The following ARHGAP35 variants were observed in gnomAD, a reference collection of about 807,000 sequenced individuals.
The protein encoded by ARHGAP35 is rho GTPase-activating protein 35.
A neutral mutation model predicts 111.1 loss-of-function variants in ARHGAP35; 15 were observed. The ratio of observed to expected loss-of-function variants is 0.13; its 90% CI spans 0.09 to 0.21. The LOEUF (loss-of-function observed/expected upper bound fraction) is 0.21. ARHGAP35 is among the 10% of genes least tolerant of loss of function. ARHGAP35 has a pLI of 1.00. For synonymous variants in ARHGAP35, 643 were observed against 710.3 expected, an observed-to-expected ratio of 0.91 and a Z score of 1.51; for missense variants, 1,262 against 1,873.0, an observed-to-expected ratio of 0.67 and a Z score of 6.02.
intron 1 of ARHGAP35, among the ~76,000 whole-genome samples, chr19:46,863,238 T>A (rs899172107): frequency 6.6e-6 from 1 of 152,190 alleles, no homozygotes; most frequent in Non-Finnish European, 1.5e-5. Context: ...GGATTGGGCC[T>A]TAGGCTCTCC....
chr19:46,876,938 G>A lies in ARHGAP35; in HGVS notation c.-189+15729G>A, dbSNP rs374928049. Among the ~76,000 whole-genome samples, 5 of 152,048 alleles carry A rather than the reference G, an allele frequency of 3.3e-5. No individual in the cohort carries two copies. The South Asian group carries it at 6.3e-4, about 19-fold the overall frequency. On this transcript the variant is annotated intron_variant, in intron 1 of 6. Coordinates refer to ENST00000672722, the MANE Select transcript of ARHGAP35 (RefSeq NM_004491.5). ...TAAAGCCAGTCACACGAAGTTTTTCGTTTCCCAGTGCATATAAAAGTTAAG... is the reference window on the plus strand; with the variant it reads ...TAAAGCCAGTCACACGAAGTTTTTCATTTCCCAGTGCATATAAAAGTTAAG...
intron 5 of ARHGAP35, among the ~76,000 whole-genome samples, chr19:46,990,549 C>T (rs1227060153): frequency 2.0e-5 from 3 of 152,068 alleles, no homozygotes; most frequent in Non-Finnish European, 4.4e-5. Context: ...TGCTAGCTGC[C>T]CAGAGATCAC....
At chr19:46,978,467 C>G (rs2056590977) in intron 3 of ARHGAP35, among the ~76,000 whole-genome samples, 1 of 148,690 alleles carries the variant, frequency 6.7e-6, no homozygotes, top group Non-Finnish European at 1.5e-5. Context: ...GTAGTGGGGT[C>G]TGTGTGTGGG....
chr19:46,989,660 T>C lies in ARHGAP35; in HGVS notation c.4021T>C (p.Leu1341=), dbSNP rs2056669492. The C allele has an allele frequency of 6.2e-7, 1 of 1,613,766 alleles. No homozygotes were observed. The highest frequency in any genetic ancestry group is 2.2e-5 in the East Asian group (1 of 44,888). ...PLVPYNMQID[L]VEAHKINDRE... Reference sequence around the variant, plus strand: ...GGTCCCGTATAACATGCAGATCGACTTGGTGGAAGCACACAGTGAGTACCG... The same window carrying C: ...GGTCCCGTATAACATGCAGATCGACCTGGTGGAAGCACACAGTGAGTACCG... Residue 1341 remains leucine, a synonymous_variant, in exon 5 of 7, where the codon TTG becomes CTG. Coordinates refer to ENST00000672722, the MANE Select transcript of ARHGAP35 (RefSeq NM_004491.5). This position sits in a 1 kb window ranked among gnomAD's most constrained non-coding sequence, Gnocchi z 5.3.
At chr19:46,925,657 C>T (rs966031527) in intron 2 of ARHGAP35, among the ~76,000 whole-genome samples, 5 of 152,130 alleles carry the variant, frequency 3.3e-5, no homozygotes, top group African/African-American at 1.2e-4. Context: ...GTGGGCATGT[C>T]GGGTTAGTTA....
At position 46,869,476 on chromosome 19, in the gene ARHGAP35, T is replaced by TG. The variant is rs2055876067; in HGVS notation, c.-189+8267_-189+8268insG. Among the ~76,000 whole-genome samples, 4 of 144,312 alleles carry TG rather than the reference T, an allele frequency of 2.8e-5. No homozygotes were observed. The South Asian group carries it at 6.7e-4, about 24-fold the overall frequency. The allele number at this position is 144,312 out of a possible 152,430, so 94.7% of individuals were successfully genotyped here. ...TGAGACCTTGTCTCAAGAAAAAAAATTGTGTGTGTGTGTGTGTGTGTGTGT... is the reference window on the plus strand; with the variant it reads ...TGAGACCTTGTCTCAAGAAAAAAAATGTGTGTGTGTGTGTGTGTGTGTGTGT... On this transcript the variant is annotated intron_variant, in intron 1 of 6. Transcript: ENST00000672722.
Position 46,937,309 on chromosome 19 carries a change from G to C in ARHGAP35, c.3727G>C (p.Glu1243Gln). 1 of 1,613,930 alleles carries C rather than the reference G, an allele frequency of 6.2e-7. No individual in the cohort carries two copies. The highest frequency in any genetic ancestry group is 1.3e-5 in the African/African-American group (1 of 75,040). Residue 1243 changes from glutamate to glutamine, a missense_variant, in exon 3 of 7, where the codon GAG becomes CAG. Around this residue, in one of 8 missense-constraint regions of ARHGAP35, gnomAD observed 579 missense variants for 716.9 expected, o/e 0.81. Transcript: ENST00000672722. The part of the protein sequence containing the change: ...PRPSITKATW[E>Q]SNYFGVPLTT... ...GCCATCCATCACAAAGGCAACCTGG[G>C]AGAGTAACTATTTTGGGGTGCCCTT... is the stretch of plus-strand genomic sequence containing the variant.
intron 2 of ARHGAP35, among the ~76,000 whole-genome samples, chr19:46,928,488 T>C (rs1258790857): frequency 6.6e-6 from 1 of 152,064 alleles, no homozygotes; most frequent in Non-Finnish European, 1.5e-5. Context: ...AAATTCAGTG[T>C]GTGTTGAACT....
At chr19:46,916,111 C>G (rs979299144) in intron 1 of ARHGAP35, among the ~76,000 whole-genome samples, 1 of 151,860 alleles carries the variant, frequency 6.6e-6, no homozygotes, top group Non-Finnish European at 1.5e-5. Flanking sequence ...ATTTGTTGTA[C>G]TTTCAGTGGA....
Position 46,921,815 on chromosome 19 carries a change from T to C in ARHGAP35, c.3140T>C (p.Val1047Ala). ...CCGCCAGTCAAACCAAAGCCTCCTG[T>C]CCATTTTGAAATTACAAAGGGGGAT... The part of the protein sequence containing the change: ...VPPPVKPKPP[V>A]HFEITKGDLS... Residue 1047 changes from valine to alanine, a missense_variant, in exon 2 of 7, where the codon GTC (valine) becomes GCC (alanine). By Grantham distance (64) the Val-to-Ala change is moderately conservative. This residue lies in a region of ARHGAP35 where 579 missense variants were observed against 716.9 expected (regional missense o/e 0.81). Transcript: ENST00000672722. This position sits in a 1 kb window ranked among gnomAD's most constrained non-coding sequence, Gnocchi z 4.3. 1 of 1,613,970 alleles carries C rather than the reference T, an allele frequency of 6.2e-7. No homozygotes were observed. The highest frequency in any genetic ancestry group is 1.6e-4 in the Middle Eastern group (1 of 6,062).
At chr19:46,888,011 G>T (rs577278853) in intron 1 of ARHGAP35, among the ~76,000 whole-genome samples, 81 of 149,818 alleles carry the variant, frequency 5.4e-4, no homozygotes, top group Non-Finnish European at 8.6e-4. Flanking sequence ...GAGTGCAGTG[G>T]CACGATCTCG....
chr19:46,972,287 G>A (rs1450280419), intron 3 of ARHGAP35, among the ~76,000 whole-genome samples: 1 of 152,246 alleles, frequency 6.6e-6, no homozygotes. Context: ...TGGGATTACA[G>A]GCGTGAGCCA....
intron 3 of ARHGAP35, among the ~76,000 whole-genome samples, chr19:46,963,693 T>C (rs924586913): frequency 2.6e-5 from 4 of 152,166 alleles, no homozygotes; most frequent in Admixed American, 2.6e-4. Context: ...TGTCTCCCTG[T>C]CACCTCGAAA....
chr19:46,970,125 T>C (rs2056537176), intron 3 of ARHGAP35, among the ~76,000 whole-genome samples: 1 of 152,200 alleles, frequency 6.6e-6, no homozygotes, highest in Non-Finnish European at 1.5e-5. Flanking sequence ...AGAAAGAAAG[T>C]CATGGGGTGC....
chr19:46,862,012 C>G (rs2055831731), intron 1 of ARHGAP35, among the ~76,000 whole-genome samples: 1 of 152,210 alleles, frequency 6.6e-6, no homozygotes, highest in African/African-American at 2.4e-5. Flanking sequence ...GCTCATTCCC[C>G]TGATCCCCTC....
At chr19:46,978,831 T>G (rs1454262095) in intron 3 of ARHGAP35, among the ~76,000 whole-genome samples, 36 of 44,798 alleles carry the variant, frequency 8.0e-4, no homozygotes, top group African/African-American at 1.1e-3. Flanking sequence ...GTTTGTGTGG[T>G]GGGGGATTTG....
intron 2 of ARHGAP35, among the ~76,000 whole-genome samples, chr19:46,923,436 C>T (rs1409705468): frequency 2.6e-5 from 4 of 151,998 alleles, no homozygotes; most frequent in Non-Finnish European, 4.4e-5. Context: ...TCTTATCCTG[C>T]GTAGAATTGT....
intron 1 of ARHGAP35, among the ~76,000 whole-genome samples, chr19:46,880,240 C>T (rs1158324953): frequency 2.0e-5 from 3 of 152,040 alleles, no homozygotes. Context: ...CGACACCAGC[C>T]TGGCCAACAT....
chr19:46,991,005 C>T (rs112418332), intron 5 of ARHGAP35, among the ~76,000 whole-genome samples: 3 of 152,284 alleles, frequency 2.0e-5, no homozygotes, highest in Non-Finnish European at 4.4e-5. Flanking sequence ...GGCAGGAGAG[C>T]GTGGTACTCC....
Sources: gnomAD v4.1 joint callset for allele counts (sites outside exome capture counted in the v4.1 genomes callset) on GRCh38, gnomAD v4.1.1 for gene constraint, gnomAD v4.1.1 regional missense constraint, Gnocchi (gnomAD v3.1) non-coding constraint, MANE v1.5 for transcripts, NCBI Gene and HGNC (gene_info 2026-07-23, HGNC 2026-07-21) for gene names.